Variants in KLF15 observed in about 807,000 individuals in gnomAD.
KLF15 encodes the protein Krueppel-like factor 15.
Under a neutral mutation model 24.6 loss-of-function variants are expected in KLF15, and 4 were observed. That is an observed-to-expected ratio of 0.16 (90% CI 0.08 to 0.37). The LOEUF (loss-of-function observed/expected upper bound fraction) is 0.37, where lower values mean the gene tolerates loss of function less well. KLF15 is among the 10% of genes least tolerant of loss of function. KLF15 has a pLI of 1.00. For synonymous variants in KLF15, 246 were observed against 236.3 expected (o/e 1.04, Z -0.37); for missense variants, 496 against 560.6 (o/e 0.88, Z 1.16).
At chr3:126,329,896 T>G in the KLF15 span, among the ~76,000 whole-genome samples, 3 of 151,790 alleles carry the variant, frequency 2.0e-5, no homozygotes, top group Admixed American at 6.6e-5. Context: ...CTTCCTGTCA[T>G]AAAAGTTATG....
At chr3:126,323,148 G>A in the KLF15 span, among the ~76,000 whole-genome samples, 4 of 149,986 alleles carry the variant, frequency 2.7e-5, no homozygotes, top group Non-Finnish European at 4.4e-5. Context: ...TAAAAAGAGT[G>A]TAAAGAATAC....
the KLF15 span, among the ~76,000 whole-genome samples, chr3:126,296,418 A>G: frequency 7.2e-5 from 11 of 152,236 alleles, no homozygotes; most frequent in Non-Finnish European, 1.6e-4. Context: ...CATGTTAGCC[A>G]GGATGGTCTT....
chr3:126,308,417 A>G, the KLF15 span, among the ~76,000 whole-genome samples: 1 of 150,080 alleles, frequency 6.7e-6, no homozygotes, highest in Non-Finnish European at 1.5e-5. Flanking sequence ...GAAATCCCCC[A>G]AAGGCTACCC....
chr3:126,294,363 T>C, the KLF15 span, among the ~76,000 whole-genome samples: 1 of 152,218 alleles, frequency 6.6e-6, no homozygotes, highest in Non-Finnish European at 1.5e-5. Context: ...CTTAGATCTC[T>C]GTCTGCTAAT....
At chr3:126,302,860 G>A in the KLF15 span, among the ~76,000 whole-genome samples, 2 of 152,058 alleles carry the variant, frequency 1.3e-5, no homozygotes, top group African/African-American at 4.8e-5. Flanking sequence ...GGAAATCTCT[G>A]TCTTTTATCT....
the KLF15 span, among the ~76,000 whole-genome samples, chr3:126,305,660 G>A: frequency 6.6e-6 from 1 of 152,168 alleles, no homozygotes; most frequent in Admixed American, 6.5e-5. Flanking sequence ...GGAATGAGCT[G>A]CTTTTCTAGC....
chr3:126,317,484 A>T, the KLF15 span, among the ~76,000 whole-genome samples: 1 of 152,168 alleles, frequency 6.6e-6, no homozygotes, highest in Non-Finnish European at 1.5e-5. Flanking sequence ...AAGCATACAC[A>T]CTAAGAGGCA....
the KLF15 span, among the ~76,000 whole-genome samples, chr3:126,304,331 G>A: frequency 1.3e-5 from 2 of 152,176 alleles, no homozygotes; most frequent in Non-Finnish European, 2.9e-5. Flanking sequence ...CCTGAGTATG[G>A]TATCTAATGC....
chr3:126,350,373 T>C (rs2082573135), intron 2 of KLF15, among the ~76,000 whole-genome samples: 1 of 152,202 alleles, frequency 6.6e-6, no homozygotes, highest in Non-Finnish European at 1.5e-5. Context: ...CTCTCCGGTC[T>C]GTCTGAATGG....
intron 1 of KLF15, 131 bp downstream of exon 1, chr3:126,357,106 T>A (rs2082639981): frequency 6.6e-6 from 1 of 150,658 alleles, no homozygotes; most frequent in South Asian, 2.1e-4. Context: ...TCCTCCGACA[T>A]TCCTCCAGCA....
At chr3:126,295,017 C>T in the KLF15 span, among the ~76,000 whole-genome samples, 2 of 152,222 alleles carry the variant, frequency 1.3e-5, no homozygotes, top group East Asian at 3.9e-4. Context: ...ACATAATACA[C>T]ACATACACAT....
chr3:126,302,727 T>C, the KLF15 span, among the ~76,000 whole-genome samples: 1 of 152,204 alleles, frequency 6.6e-6, no homozygotes, highest in African/African-American at 2.4e-5. Flanking sequence ...CATATTTCTT[T>C]TGATGTGTGT....
At chr3:126,324,755 C>T in the KLF15 span, among the ~76,000 whole-genome samples, 1 of 109,884 alleles carries the variant, frequency 9.1e-6, no homozygotes, top group African/African-American at 3.6e-5. Flanking sequence ...GTGATGTTAA[C>T]TTTTTTTTTT....
the KLF15 span, among the ~76,000 whole-genome samples, chr3:126,292,668 C>A: frequency 6.6e-6 from 1 of 152,022 alleles, no homozygotes; most frequent in East Asian, 1.9e-4. Flanking sequence ...GAAGGGAGAG[C>A]GAGCGAGCAG....
chr3:126,308,794 G>A, the KLF15 span, among the ~76,000 whole-genome samples: 2 of 152,182 alleles, frequency 1.3e-5, no homozygotes, highest in African/African-American at 2.4e-5. Context: ...TTCTCCAAGC[G>A]GAAGGAGGAC....
chr3:126,329,787 C>T, the KLF15 span, among the ~76,000 whole-genome samples: 208 of 148,748 alleles, frequency 1.4e-3, no homozygotes, highest in African/African-American at 4.9e-3. Flanking sequence ...GTAAGCAATT[C>T]CAGTTAGGTC....
the KLF15 span, among the ~76,000 whole-genome samples, chr3:126,301,610 CTTTT>C: frequency 0.03 from 4,016 of 132,134 alleles, 164 homozygotes; most frequent in African/African-American, 0.11. Flanking sequence ...TTTTCTTTTT[CTTTT>C]TTTTTTTTTT....
chr3:126,328,709 T>G, the KLF15 span, among the ~76,000 whole-genome samples: 6 of 152,242 alleles, frequency 3.9e-5, no homozygotes, highest in Non-Finnish European at 8.8e-5. Context: ...AGTAACTCTT[T>G]CCCCCATGCT....
At chr3:126,338,840 G>T (rs1216157132), downstream of KLF15, among the ~76,000 whole-genome samples, 2 of 152,194 alleles carry the variant, frequency 1.3e-5, no homozygotes, top group Non-Finnish European at 2.9e-5. Flanking sequence ...CCTCACTCTC[G>T]TGATGGAGCC....
Sources: allele counts gnomAD v4.1 joint callset (sites outside exome capture counted in the v4.1 genomes callset), GRCh38; gene constraint gnomAD v4.1.1; transcripts MANE v1.5; gene names NCBI Gene and HGNC (gene_info 2026-07-23, HGNC 2026-07-21).